The following APOH variants were observed in gnomAD, a reference collection of about 807,000 sequenced individuals.
The protein encoded by APOH is apolipoprotein H.
A neutral mutation model predicts 39.8 loss-of-function variants in APOH; 48 were observed. The observed-to-expected ratio is 1.21, with a 90% CI of 0.96 to 1.54. The LOEUF is 1.54. APOH is among the 40% of genes most tolerant of loss of function. The probability of loss-of-function intolerance (pLI) is 0.00; values close to 1 mark genes in which losing one functional copy is unlikely to be tolerated. For missense variants in APOH, 415 were observed against 421.2 expected, an observed-to-expected ratio of 0.99 and a Z score of 0.13; for synonymous variants, 153 against 151.1, an observed-to-expected ratio of 1.01 and a Z score of -0.09.
intron 2 of APOH, among the ~76,000 whole-genome samples, chr17:66,227,630 G>A (rs750283268): frequency 3.3e-5 from 5 of 151,938 alleles, no homozygotes; most frequent in African/African-American, 4.8e-5. Flanking sequence ...TATTAAGTCC[G>A]CTTTCATTTT....
At position 66,223,730 on chromosome 17, in the gene APOH, C is replaced by T; in HGVS notation, c.383G>A (p.Gly128Glu). 1 of 1,614,186 alleles carries T rather than the reference C, an allele frequency of 6.2e-7. No homozygotes were observed. The highest frequency in any genetic ancestry group is 8.5e-7 in the Non-Finnish European group (1 of 1,180,014). The change falls in exon 4 of 8, where the codon GGA becomes GAA. Residue 128 changes from glycine (G) to glutamate (E), a missense_variant. By Grantham distance (98) the Gly-to-Glu change is moderately conservative. Coordinates refer to ENST00000205948, the MANE Select transcript of APOH (RefSeq NM_000042.3). ...GACAGGAAGCTCCGGGCTCCATTTT[C>T]CTTCCTCAGTGCACTTGGCAGAATC... ...GADSAKCTEE[G>E]KWSPELPVCA... is the part of the protein sequence containing the mutation.
rs892011939 is a variant in APOH, at chr17:66,214,579, A to C, written c.856T>G (p.Phe286Val). ...QGERVKIQEK[F>V]KNGMLHGDKV... Reference sequence around the variant, plus strand: ...TCACCATGTAGCATTCCATTCTTAAATTTTTCCTGAATCTTTACTCTCTCT... The same window carrying C: ...TCACCATGTAGCATTCCATTCTTAACTTTTTCCTGAATCTTTACTCTCTCT... Residue 286 changes from phenylalanine (F) to valine (V), a missense_variant, in exon 7 of 8, where the codon TTT (phenylalanine) becomes GTT (valine). Coordinates refer to ENST00000205948, the MANE Select transcript of APOH (RefSeq NM_000042.3). The C allele has an allele frequency of 5.0e-6, 8 of 1,613,784 alleles. No individual in the cohort carries two copies. The African/African-American group carries it at 1.1e-4, about 22-fold the overall frequency.
At chr17:66,212,543 C>T (rs577432183) in intron 7 of APOH, among the ~76,000 whole-genome samples, 42 of 152,124 alleles carry the variant, frequency 2.8e-4, no homozygotes, top group Non-Finnish European at 4.3e-4. Context: ...TGCCACCATG[C>T]CTGGCTAATC....
intron 7 of APOH, among the ~76,000 whole-genome samples, chr17:66,213,205 T>G (rs772159747): frequency 6.6e-6 from 1 of 152,252 alleles, no homozygotes; most frequent in Non-Finnish European, 1.5e-5. Flanking sequence ...TTTCTAAACC[T>G]AGAGCCAAGG....
At position 66,229,315 on chromosome 17, in the gene APOH, C is replaced by G. The variant is rs369897111; in HGVS notation, c.64+1G>C. ...TTTTTTCAAAAGCAAAAAGTACTTACTCCGTCCTGCAATAGCAACATGGCA... is the reference window on the plus strand; with the variant it reads ...TTTTTTCAAAAGCAAAAAGTACTTAGTCCGTCCTGCAATAGCAACATGGCA... On this transcript the variant is annotated splice_donor_variant, in intron 1 of 7. Transcript: ENST00000205948. LOFTEE classifies it high-confidence loss of function. 5.0e-6 allele frequency: 8 copies of G among 1,612,874 alleles called. No individual in the cohort carries two copies. The highest frequency in any genetic ancestry group is 6.8e-6 in the Non-Finnish European group (8 of 1,179,252).
chr17:66,222,166 T>G (rs1335413645), intron 4 of APOH, among the ~76,000 whole-genome samples: 1 of 152,150 alleles, frequency 6.6e-6, no homozygotes, highest in African/African-American at 2.4e-5. Context: ...GCAGGTAAGG[T>G]TGCTTGAAAC....
chr17:66,223,632 G>A, intron 4 of APOH, 66 bp downstream of exon 4: 1 of 1,380,264 alleles, frequency 7.2e-7, no homozygotes, highest in South Asian at 1.2e-5. Flanking sequence ...CCAGATGTGA[G>A]ACTTTGAGTG....
At chr17:66,213,505 T>C (rs751954558) in intron 7 of APOH, among the ~76,000 whole-genome samples, 29 of 152,236 alleles carry the variant, frequency 1.9e-4, no homozygotes, top group Non-Finnish European at 4.0e-4. Context: ...CTCTATAATG[T>C]GGGACCAAGA....
intron 3 of APOH, among the ~76,000 whole-genome samples, 153 bp from the exon 4 acceptor site, chr17:66,223,927 T>C (rs1427620393): frequency 6.6e-6 from 1 of 152,224 alleles, no homozygotes; most frequent in Non-Finnish European, 1.5e-5. Context: ...TACTCATCTA[T>C]GGCTCATGGA....
rs1230021025 is a variant in APOH at position 66,221,381 on chromosome 17, G to GAGGAAGGAAGGA, written c.416-651_416-640dup. 4.8e-3 allele frequency among the ~76,000 whole-genome samples: 136 copies of GAGGAAGGAAGGA among 28,402 alleles called. 3 individuals carry two copies. Among genetic ancestry groups the GAGGAAGGAAGGA allele is most frequent in the Admixed American group, 7.0e-3 (17 of 2,428 alleles). The allele number at this position is 28,402 out of a possible 152,430, so 18.6% of individuals were successfully genotyped here. On this transcript the variant is annotated intron_variant, in intron 4 of 7. Transcript: ENST00000205948. ...AGGAGGGGAGGGGAGGGGAGGGAGG[G>GAGGAAGGAAGGA]AGGAAGGAAGGAAGGAAGGAAGGAA...
intron 2 of APOH, 49 bp from the exon 3 acceptor site, chr17:66,226,173 A>C (rs1555573010): frequency 1.1e-5 from 14 of 1,254,646 alleles, no homozygotes; most frequent in South Asian, 9.4e-5. Context: ...CTAAAAAAAA[A>C]CATAAACAGG....
rs572365643 is a variant in APOH, at chr17:66,228,334, C to T, written c.65-138G>A. Reference sequence around the variant, plus strand: ...TTGCATGCCAAATACCTCATATACACTATCTCATCTAATCCCCTCAACAAC... The same window carrying T: ...TTGCATGCCAAATACCTCATATACATTATCTCATCTAATCCCCTCAACAAC... On this transcript the variant is annotated intron_variant, in intron 1 of 7. Coordinates refer to ENST00000205948, the MANE Select transcript of APOH (RefSeq NM_000042.3). The T allele has an allele frequency of 1.3e-4, 106 of 791,972 alleles. 1 individual carries two copies. In the South Asian group the frequency reaches 1.7e-3, roughly 13 times the overall value. 49.1% of individuals were successfully genotyped at this position (791,972 alleles called of 1,614,324 possible). A position where few individuals can be genotyped will look rare whatever the true frequency, so the allele number is the denominator to read the frequency against.
rs376671771 is a variant in APOH at position 66,220,592 on chromosome 17, G to C, written c.566C>G (p.Thr189Arg). Residue 189 changes from threonine (T) to arginine (R), a missense_variant, in exon 5 of 8, where the codon ACG (threonine) becomes AGG (arginine). Physicochemically the swap from Thr to Arg is moderately conservative, Grantham distance 71. Transcript: ENST00000205948. The part of the protein sequence containing the change: ...AMFGNDTITC[T>R]THGNWTKLPE... Reference sequence around the variant, plus strand: ...TAATTTAGTCCAATTTCCATGTGTCGTGCAGGTAATTGTATCATTTCCAAA... The same window carrying C: ...TAATTTAGTCCAATTTCCATGTGTCCTGCAGGTAATTGTATCATTTCCAAA... 3.1e-6 allele frequency: 5 copies of C among 1,614,018 alleles called. No homozygotes were observed. Among genetic ancestry groups the C allele is most frequent in the Non-Finnish European group, 4.2e-6 (5 of 1,180,008 alleles).
chr17:66,218,506 A>G (rs2073378989), intron 5 of APOH, among the ~76,000 whole-genome samples: 1 of 151,924 alleles, frequency 6.6e-6, no homozygotes, highest in Admixed American at 6.6e-5. Context: ...ACGGGGTTTC[A>G]CCATATTGGC....
In APOH at chr17:66,216,735, G is replaced by T; in HGVS notation, c.784+53C>A. The T allele has an allele frequency of 4.1e-6, 6 of 1,471,352 alleles. No homozygotes were observed. In the Admixed American group the frequency reaches 1.2e-4, roughly 29 times the overall value. The allele number at this position is 1,471,352 out of a possible 1,614,324, so 91.1% of individuals were successfully genotyped here. On this transcript the variant is annotated intron_variant, in intron 6 of 7. Coordinates refer to ENST00000205948, the MANE Select transcript of APOH (RefSeq NM_000042.3). Reference sequence around the variant, plus strand: ...GAACAAGAAAATAGCAAGTAAAGGTGATCCACTGTATCAATTCAGAGATCT... The same window carrying T: ...GAACAAGAAAATAGCAAGTAAAGGTTATCCACTGTATCAATTCAGAGATCT...
Position 66,228,202 on chromosome 17 carries a change from A to C in APOH, c.65-6T>G. On this transcript the variant is annotated splice_region_variant and splice_polypyrimidine_tract_variant and intron_variant, in intron 1 of 7. Coordinates refer to ENST00000205948, the MANE Select transcript of APOH (RefSeq NM_000042.3). ...ATCATCTGGCTTGGGACAGGCTGAA[A>C]GAGGGCACAAAGCAGATGGTTAACA... is the stretch of plus-strand genomic sequence containing the variant. The C allele has an allele frequency of 6.2e-7, 1 of 1,611,878 alleles. No homozygotes were observed. The highest frequency in any genetic ancestry group is 1.3e-5 in the African/African-American group (1 of 75,006).
chr17:66,218,794 T>C (rs893890780), intron 5 of APOH, among the ~76,000 whole-genome samples: 8 of 151,990 alleles, frequency 5.3e-5, no homozygotes, highest in African/African-American at 1.9e-4. Context: ...CGGATCATTT[T>C]AGTTCGGGAG....
chr17:66,214,481 G>T lies in APOH; in HGVS notation c.954C>A (p.Gly318=), dbSNP rs150652035. The T allele has an allele frequency of 8.4e-3, 13,554 of 1,613,838 alleles. 76 individuals carry two copies. Among genetic ancestry groups the T allele is most frequent in the Non-Finnish European group, 9.2e-3 (10,865 of 1,179,880 alleles). The change falls in exon 7 of 8, where the codon GGC becomes GGA. Residue 318 remains glycine (G), a synonymous_variant. Coordinates refer to ENST00000205948, the MANE Select transcript of APOH (RefSeq NM_000042.3). ...TGAAGCATTTGGGGACTTCGATAGT[G>T]CCATCTATACACTGAGCATCCTCTG... ...SYTEDAQCID[G]TIEVPKCFKE...
intron 3 of APOH, among the ~76,000 whole-genome samples, chr17:66,224,110 T>C (rs767652894): frequency 6.6e-6 from 1 of 152,166 alleles, no homozygotes; most frequent in African/African-American, 2.4e-5. Context: ...AACTGAGTAA[T>C]CTTCATTATT....
Sources: gnomAD v4.1 joint callset for allele counts (sites outside exome capture counted in the v4.1 genomes callset) on GRCh38, gnomAD v4.1.1 for gene constraint, MANE v1.5 for transcripts, NCBI Gene and HGNC (gene_info 2026-07-23, HGNC 2026-07-21) for gene names.